The following KHDRBS2 variants were observed in gnomAD, a reference collection of about 807,000 sequenced individuals.
The protein encoded by KHDRBS2 is KH RNA binding domain containing, signal transduction associated 2, also known as KH domain-containing, RNA-binding, signal transduction-associated protein 2.
Under a neutral mutation model 44.3 loss-of-function variants are expected in KHDRBS2, and 26 were observed. The observed-to-expected ratio is 0.59, with a 90% CI of 0.43 to 0.81. KHDRBS2 has a LOEUF of 0.81. KHDRBS2 is among the 40% of genes least tolerant of loss of function. KHDRBS2 has a pLI of 0.00. For synonymous variants in KHDRBS2, 194 were observed against 151.1 expected, an observed-to-expected ratio of 1.28 and a Z score of -2.08; for missense variants, 476 against 433.1, an observed-to-expected ratio of 1.10 and a Z score of -0.88.
At chr6:61,772,820 G>A (rs1351093084) in intron 6 of KHDRBS2, among the ~76,000 whole-genome samples, 1 of 151,998 alleles carries the variant, frequency 6.6e-6, no homozygotes, top group African/African-American at 2.4e-5. Flanking sequence ...TCCCCAGAGT[G>A]TGATGTTCCC....
chr6:61,686,973 G>T (rs1013842240), intron 8 of KHDRBS2, among the ~76,000 whole-genome samples: 4 of 151,572 alleles, frequency 2.6e-5, no homozygotes, highest in African/African-American at 9.7e-5. Flanking sequence ...ATTTGTGAAG[G>T]TGCAAATCCA....
intron 1 of KHDRBS2, among the ~76,000 whole-genome samples, chr6:62,211,748 C>T (rs918698032): frequency 1.1e-4 from 16 of 152,108 alleles, no homozygotes; most frequent in African/African-American, 1.9e-4. Flanking sequence ...GACAGTGGGG[C>T]GATACCTGAA....
chr6:62,210,939 A>T (rs1487945684), intron 1 of KHDRBS2, among the ~76,000 whole-genome samples: 1 of 152,158 alleles, frequency 6.6e-6, no homozygotes, highest in East Asian at 1.9e-4. Flanking sequence ...CATTTATAAT[A>T]AATACTAAAA....
chr6:62,258,918 G>A (rs1837878543), intron 1 of KHDRBS2, among the ~76,000 whole-genome samples: 1 of 151,944 alleles, frequency 6.6e-6, no homozygotes, highest in African/African-American at 2.4e-5. Flanking sequence ...ACCCAGTGAT[G>A]GTACAGAAAT....
chr6:61,699,905 C>T (rs529852274), intron 7 of KHDRBS2, among the ~76,000 whole-genome samples: 132 of 152,016 alleles, frequency 8.7e-4, no homozygotes, highest in African/African-American at 3.1e-3. Context: ...CTTCATCCTT[C>T]GAATGACTTG....
intron 3 of KHDRBS2, among the ~76,000 whole-genome samples, chr6:62,020,330 T>G (rs1260918042): frequency 2.6e-5 from 4 of 152,152 alleles, no homozygotes; most frequent in East Asian, 3.9e-4. Context: ...ACTTCCATCC[T>G]TATTAATTTA....
intron 7 of KHDRBS2, among the ~76,000 whole-genome samples, chr6:61,723,673 C>T (rs1382029943): frequency 6.6e-6 from 1 of 151,768 alleles, no homozygotes; most frequent in African/African-American, 2.4e-5. Flanking sequence ...GAGAACGTCA[C>T]AATGCAATCA....
At chr6:61,956,449 C>T (rs978467665) in intron 4 of KHDRBS2, among the ~76,000 whole-genome samples, 3 of 152,014 alleles carry the variant, frequency 2.0e-5, no homozygotes, top group Non-Finnish European at 4.4e-5. Flanking sequence ...AGTTGTAGTG[C>T]TTCATTAGGT....
At chr6:62,025,294 TTCA>T (rs1783082619) in intron 3 of KHDRBS2, among the ~76,000 whole-genome samples, 1 of 151,742 alleles carries the variant, frequency 6.6e-6, no homozygotes, top group Admixed American at 6.6e-5. Flanking sequence ...TCATGTTTCC[TTCA>T]TCACTATTTT....
At chr6:62,225,803 CTG>C (rs932287196) in intron 1 of KHDRBS2, among the ~76,000 whole-genome samples, 7 of 151,286 alleles carry the variant, frequency 4.6e-5, no homozygotes, top group African/African-American at 1.7e-4. Flanking sequence ...TTTTCTGTTC[CTG>C]TGTTAGTTTA....
chr6:62,032,785 T>G (rs1486505081), intron 3 of KHDRBS2, among the ~76,000 whole-genome samples: 2 of 151,836 alleles, frequency 1.3e-5, no homozygotes, highest in Non-Finnish European at 2.9e-5. Context: ...AATATATACC[T>G]AACTCTTCAA....
the KHDRBS2 span, among the ~76,000 whole-genome samples, chr6:61,650,439 A>G: frequency 6.6e-6 from 1 of 151,272 alleles, no homozygotes; most frequent in African/African-American, 2.4e-5. Flanking sequence ...TGTCTAGTGC[A>G]GTGCTGGCAC....
the KHDRBS2 span, among the ~76,000 whole-genome samples, chr6:61,666,315 T>A: frequency 2.0e-5 from 3 of 151,498 alleles, no homozygotes; most frequent in Non-Finnish European, 4.4e-5. Context: ...AAACATTCTT[T>A]AGCATGTAAA....
chr6:62,040,468 G>T (rs1223291240), intron 3 of KHDRBS2, among the ~76,000 whole-genome samples: 2 of 151,992 alleles, frequency 1.3e-5, no homozygotes, highest in Non-Finnish European at 2.9e-5. Flanking sequence ...CAGAAATTTA[G>T]GTAGTGTACC....
chr6:61,895,954 A>G (rs1010653070), intron 5 of KHDRBS2, among the ~76,000 whole-genome samples: 4 of 152,208 alleles, frequency 2.6e-5, no homozygotes, highest in African/African-American at 9.7e-5. Flanking sequence ...AAATTTTTAA[A>G]TAGATTACAG....
chr6:62,101,046 C>CT (rs551812130), intron 2 of KHDRBS2, among the ~76,000 whole-genome samples: 16 of 152,204 alleles, frequency 1.1e-4, no homozygotes, highest in Non-Finnish European at 2.2e-4. Context: ...ATTTTAAACT[C>CT]TTTTTTACAG....
At chr6:62,215,546 GC>G (rs1286632655) in intron 1 of KHDRBS2, among the ~76,000 whole-genome samples, 27 of 151,684 alleles carry the variant, frequency 1.8e-4, no homozygotes, top group Non-Finnish European at 3.5e-4. Flanking sequence ...GAAGATGCCA[GC>G]CCCAACCACA....
chr6:61,861,732 T>G (rs1797012513), intron 6 of KHDRBS2, among the ~76,000 whole-genome samples: 1 of 152,020 alleles, frequency 6.6e-6, no homozygotes. Flanking sequence ...TAAAATAGAC[T>G]TTTCTAATTC....
intron 4 of KHDRBS2, among the ~76,000 whole-genome samples, chr6:61,936,561 C>T (rs1473024048): frequency 6.6e-6 from 1 of 151,754 alleles, no homozygotes; most frequent in African/African-American, 2.4e-5. Flanking sequence ...ATTTGGGACT[C>T]ATCTTTATTT....
Sources: gnomAD v4.1 joint callset for allele counts (sites outside exome capture counted in the v4.1 genomes callset) on GRCh38, gnomAD v4.1.1 for gene constraint, MANE v1.5 for transcripts, NCBI Gene and HGNC (gene_info 2026-07-23, HGNC 2026-07-21) for gene names.